CLCNKB: variants seen among roughly 807,000 people sequenced by gnomAD.
CLCNKB encodes chloride channel protein ClC-Kb.
CLCNKB carries 74 observed loss-of-function variants against 83.8 expected under a neutral mutation model. The ratio of observed to expected loss-of-function variants is 0.88; its 90% confidence interval spans 0.73 to 1.07. The LOEUF is 1.07. CLCNKB is among the 50% of genes least tolerant of loss of function. CLCNKB has a pLI of 0.00. For missense variants in CLCNKB, 798 were observed against 893.6 expected, an observed-to-expected ratio of 0.89 and a Z score of 1.36; for synonymous variants, 358 against 356.6, an observed-to-expected ratio of 1.00 and a Z score of -0.04.
intron 1 of CLCNKB, 136 bp from the exon 2 acceptor site, chr1:16,044,349 CT>C: frequency 6.0e-6 from 1 of 168,050 alleles, no homozygotes; most frequent in Non-Finnish European, 1.2e-5. Context: ...AGTGTGATAA[CT>C]TCACATACAC....
At position 16,048,389 on chromosome 1, in the gene CLCNKB, G is replaced by A. The variant is rs760971956; in HGVS notation, c.545G>A (p.Arg182His). 6.2e-7 allele frequency: 1 copy of A among 1,614,020 alleles called. No individual in the cohort carries two copies. The highest frequency in any genetic ancestry group is 8.5e-7 in the Non-Finnish European group (1 of 1,180,000). The change falls in exon 6 of 20, where the codon CGT becomes CAT. Residue 182 changes from arginine to histidine, a missense_variant. By Grantham distance (29) the Arg-to-His change is conservative. Transcript: ENST00000375679. ...LSVMMAAYLG[R>H]VRTTTIGEPE... ...GTGATGATGGCTGCCTACCTGGGCC[G>A]TGTGCGCACCACGACCATCGGGGAG...
rs2023326804 is a variant in CLCNKB at position 16,052,492 on chromosome 1, A to G, written c.1622+81A>G. The G allele has an allele frequency of 5.7e-6, 9 of 1,577,220 alleles. No individual in the cohort carries two copies. The Middle Eastern group carries it at 5.3e-4, about 93-fold the overall frequency. On this transcript the variant is annotated intron_variant, in intron 15 of 19. Coordinates refer to ENST00000375679, the MANE Select transcript of CLCNKB (RefSeq NM_000085.5). ...TGGGGTGAAGGGCACCTCGAAAAAG[A>G]AACGCCACCGTAGCTGACCTCGGAC...
intron 3 of CLCNKB, 115 bp downstream of exon 3, chr1:16,045,801 G>T: frequency 1.1e-6 from 1 of 893,138 alleles, no homozygotes. Flanking sequence ...TCTGGGTGGG[G>T]ATCTGGTCCT....
Position 16,049,916 on chromosome 1 carries a change from G to C in CLCNKB, c.968G>C (p.Ser323Thr). 17 of 1,595,084 alleles carry C rather than the reference G, an allele frequency of 1.1e-5. No individual in the cohort carries two copies. Among genetic ancestry groups the C allele is most frequent in the Non-Finnish European group, 1.5e-5 (17 of 1,170,526 alleles). Residue 323 changes from serine to threonine, a missense_variant and splice_region_variant, in exon 10 of 20, where the codon AGC becomes ACC. Coordinates refer to ENST00000375679, the MANE Select transcript of CLCNKB (RefSeq NM_000085.5). ...NRFSSKLLAT[S>T]KPVYSALATL... is the part of the protein sequence containing the mutation. ...TTCAGCTCCAAACTGCTGGCCACCA[G>C]GTAGGCTCCGGGCTAAGGGCTGGGG... is the stretch of plus-strand genomic sequence containing the variant.
rs1400214347 is a variant in CLCNKB at position 16,044,581 on chromosome 1, G to A, written c.89G>A (p.Arg30Gln). 5.6e-6 allele frequency: 9 copies of A among 1,599,496 alleles called. No homozygotes were observed. The highest frequency in any genetic ancestry group is 2.7e-5 in the African/African-American group (2 of 74,780). The part of the protein sequence containing the change: ...ELWGPCPRIR[R>Q]GIRGGLEWLK... Reference sequence around the variant, plus strand: ...TGGGGCCCCTGTCCCCGCATCCGCCGAGGCATCCGAGGTGAGAGCCAGGTC... The same window carrying A: ...TGGGGCCCCTGTCCCCGCATCCGCCAAGGCATCCGAGGTGAGAGCCAGGTC... The change falls in exon 2 of 20, where the codon CGA becomes CAA. Residue 30 changes from arginine to glutamine, a missense_variant. Coordinates refer to ENST00000375679, the MANE Select transcript of CLCNKB (RefSeq NM_000085.5).
chr1:16,055,849 C>T (rs929866603), intron 18 of CLCNKB, 91 bp downstream of exon 18: 1 of 1,158,826 alleles, frequency 8.6e-7, no homozygotes, highest in South Asian at 1.3e-5. Context: ...CCCCTCCCAA[C>T]CCCGCCCTGC....
chr1:16,048,593 T>C lies in CLCNKB; in HGVS notation c.655+11T>C, dbSNP rs1194178119. On this transcript the variant is annotated intron_variant, in intron 7 of 19. Coordinates refer to ENST00000375679, the MANE Select transcript of CLCNKB (RefSeq NM_000085.5). ...CAGCTCCCTTCAGCGGTGAGACCCC[T>C]TCATGCCCCGCCCCCTGGGTCCCTC... 2.7e-5 allele frequency: 43 copies of C among 1,612,882 alleles called. No homozygotes were observed. The Admixed American group carries it at 3.3e-4, about 13-fold the overall frequency.
chr1:16,046,004 G>T (rs1007649511), intron 3 of CLCNKB, among the ~76,000 whole-genome samples: 1 of 152,190 alleles, frequency 6.6e-6, no homozygotes, highest in East Asian at 1.9e-4. Context: ...CAGAGTGGGG[G>T]CACTTCCCTA....
intron 15 of CLCNKB, among the ~76,000 whole-genome samples, chr1:16,053,430 A>G (rs991640507): frequency 2.6e-5 from 4 of 152,106 alleles, no homozygotes; most frequent in South Asian, 2.1e-4. Flanking sequence ...GGGGGCTGGG[A>G]ATTCGCAACT....
rs35530360 is a variant in CLCNKB at position 16,046,615 on chromosome 1, G to A, written c.310G>A (p.Val104Ile). The A allele has an allele frequency of 1.5e-3, 2,457 of 1,614,104 alleles. 42 individuals carry two copies. The African/African-American group carries it at 0.026, about 17-fold the overall frequency. ...CTGGACTGTGTACCCTGTGGCCCTC[G>A]TCTCTTTCTCTTCAGGCTTCTCTCA... ...LSWTVYPVAL[V>I]SFSSGFSQSI... Residue 104 changes from valine (V) to isoleucine (I), a missense_variant, in exon 4 of 20, where the codon GTC (valine) becomes ATC (isoleucine). Coordinates refer to ENST00000375679, the MANE Select transcript of CLCNKB (RefSeq NM_000085.5).
Position 16,047,975 on chromosome 1 carries a change from C to G in CLCNKB, c.429C>G (p.Asn143Lys), listed in dbSNP as rs2023148714. Residue 143 changes from asparagine (N) to lysine (K), a missense_variant, in exon 5 of 20, where the codon AAC (asparagine) becomes AAG (lysine). By Grantham distance (94) the Asn-to-Lys change is moderately conservative. Coordinates refer to ENST00000375679, the MANE Select transcript of CLCNKB (RefSeq NM_000085.5). ...TGGAGGACTACCTGGATATCAAGAA[C>G]TTTGGGGCCAAAGTGGTGGGCCTCT... is the stretch of plus-strand genomic sequence containing the variant. ...VVLEDYLDIK[N>K]FGAKVVGLSC... 1.2e-6 allele frequency: 2 copies of G among 1,614,006 alleles called. No homozygotes were observed. The highest frequency in any genetic ancestry group is 2.2e-5 in the South Asian group (2 of 91,082).
intron 7 of CLCNKB, 33 bp from the exon 8 acceptor site, chr1:16,049,086 TG>T (rs2023198507): frequency 1.2e-6 from 2 of 1,611,976 alleles, no homozygotes; most frequent in South Asian, 1.1e-5. Flanking sequence ...TGGGTGGGGG[TG>T]GAGGGCCCAC....
intron 15 of CLCNKB, among the ~76,000 whole-genome samples, chr1:16,052,615 T>C (rs1244432669): frequency 6.6e-6 from 1 of 152,156 alleles, no homozygotes; most frequent in Admixed American, 6.5e-5. Context: ...AGTGTCTGTC[T>C]AGGGGTCAGC....
intron 15 of CLCNKB, among the ~76,000 whole-genome samples, chr1:16,053,436 C>G (rs567020178): frequency 2.6e-5 from 4 of 152,168 alleles, no homozygotes; most frequent in South Asian, 2.1e-4. Context: ...TGGGAATTCG[C>G]AACTGGGTCA....
intron 19 of CLCNKB, 36 bp from the exon 20 acceptor site, chr1:16,056,833 A>AG (rs781682447): frequency 8.4e-6 from 6 of 713,184 alleles, no homozygotes; most frequent in Admixed American, 3.2e-5. Context: ...CCTCCTCTAC[A>AG]TCCCCCCGCA....
At chr1:16,054,767 G>A (rs61242504) in intron 16 of CLCNKB, among the ~76,000 whole-genome samples, 2,360 of 152,118 alleles carry the variant, frequency 0.016, 67 homozygotes, top group African/African-American at 0.054. Flanking sequence ...TACCCTCAGA[G>A]CCACAGCAAA....
chr1:16,049,296 G>T, intron 8 of CLCNKB, 51 bp downstream of exon 8: 2 of 1,607,874 alleles, frequency 1.2e-6, no homozygotes, highest in Admixed American at 3.4e-5. Flanking sequence ...GCCGGGGCGA[G>T]GGGGCCCTCC....
intron 4 of CLCNKB, among the ~76,000 whole-genome samples, chr1:16,047,584 C>T (rs1245310895): frequency 1.3e-5 from 2 of 152,068 alleles, no homozygotes; most frequent in Admixed American, 6.6e-5. Flanking sequence ...TAGAGCAGCC[C>T]GGGCAACATA....
Position 16,048,602 on chromosome 1 carries a change from C to A in CLCNKB, c.655+20C>A, listed in dbSNP as rs867329175. 1 of 1,612,764 alleles carries A rather than the reference C, an allele frequency of 6.2e-7. No homozygotes were observed. The highest frequency in any genetic ancestry group is 1.3e-5 in the African/African-American group (1 of 74,956). On this transcript the variant is annotated intron_variant, in intron 7 of 19. Coordinates refer to ENST00000375679, the MANE Select transcript of CLCNKB (RefSeq NM_000085.5). ...TCAGCGGTGAGACCCCTTCATGCCC[C>A]GCCCCCTGGGTCCCTCAAGCTCCTC...
Sources: gnomAD v4.1 joint callset for allele counts (sites outside exome capture counted in the v4.1 genomes callset) on GRCh38, gnomAD v4.1.1 for gene constraint, MANE v1.5 for transcripts, NCBI Gene and HGNC (gene_info 2026-07-23, HGNC 2026-07-21) for gene names.